CYP2C18: variants seen among roughly 807,000 people sequenced by gnomAD.
CYP2C18 encodes the protein cytochrome P450 family 2 subfamily C member 18.
CYP2C18 carries 38 observed loss-of-function variants against 41.3 expected under a neutral mutation model. The observed-to-expected ratio is 0.92, with a 90% confidence interval of 0.71 to 1.21. CYP2C18 has a LOEUF of 1.21. Ranked by LOEUF, CYP2C18 falls within the 50% of genes most tolerant of loss-of-function variation. The probability of loss-of-function intolerance (pLI) is 0.00; values close to 1 mark genes in which losing one functional copy is unlikely to be tolerated. For synonymous variants in CYP2C18, 236 were observed against 210.0 expected, an observed-to-expected ratio of 1.12 and a Z score of -1.07; for missense variants, 635 against 591.4, an observed-to-expected ratio of 1.07 and a Z score of -0.77.
In CYP2C18 at chr10:94,735,499, C is replaced by G; in HGVS notation, c.*55C>G. 1 of 1,559,536 alleles carries G rather than the reference C, an allele frequency of 6.4e-7. No individual in the cohort carries two copies. Among genetic ancestry groups the G allele is most frequent in the Non-Finnish European group, 8.8e-7 (1 of 1,132,058 alleles). ...GCTGTCACCTGCAATTCTCCCTTAT[C>G]AGGGCCATTGGCCTCTCCCTTCTCT... On this transcript the variant is annotated 3_prime_UTR_variant, in exon 9 of 9. Transcript: ENST00000285979.
intron 3 of CYP2C18, among the ~76,000 whole-genome samples, chr10:94,691,123 T>TGAGG (rs1195905801): frequency 6.6e-6 from 1 of 152,174 alleles, no homozygotes; most frequent in African/African-American, 2.4e-5. Context: ...AAGACAAGGA[T>TGAGG]GCCCTCTCTC....
At chr10:94,714,245 C>T (rs1214804400) in intron 5 of CYP2C18, among the ~76,000 whole-genome samples, 2 of 152,142 alleles carry the variant, frequency 1.3e-5, no homozygotes, top group African/African-American at 2.4e-5. Context: ...GACATGAAGT[C>T]CTTGCCCATG....
chr10:94,711,602 G>A (rs942038954), intron 5 of CYP2C18, among the ~76,000 whole-genome samples: 1 of 151,812 alleles, frequency 6.6e-6, no homozygotes, highest in African/African-American at 2.4e-5. Flanking sequence ...TAGAGATAGG[G>A]TCTCACTGTG....
chr10:94,720,668 G>T lies in CYP2C18; in HGVS notation c.961+131G>T, dbSNP rs568569172. 1.9e-5 allele frequency: 17 copies of T among 880,540 alleles called. No homozygotes were observed. In the African/African-American group the frequency reaches 2.2e-4, roughly 11 times the overall value. 54.5% of individuals were successfully genotyped at this position (880,540 alleles called of 1,614,324 possible). A position where few individuals can be genotyped will look rare whatever the true frequency, so the allele number is the denominator to read the frequency against. On this transcript the variant is annotated intron_variant, in intron 6 of 8. Transcript: ENST00000285979. The stretch of plus-strand genomic sequence containing the variant: ...ATTTCTGTGCCATTGGCTCTAAGTT[G>T]TCTAAATATGATGAAGGGATAAGAA...
At position 94,695,053 on chromosome 10, in the gene CYP2C18, G is replaced by T. The variant is rs779808698; in HGVS notation, c.618G>T (p.Arg206Ser). The T allele has an allele frequency of 1.9e-6, 3 of 1,612,544 alleles. No homozygotes were observed. The highest frequency in any genetic ancestry group is 3.3e-5 in the Admixed American group (2 of 59,934). The change falls in exon 4 of 9, where the codon AGG (arginine) becomes AGT (serine). Residue 206 changes from arginine to serine, a missense_variant. Physicochemically the swap from Arg to Ser is moderately radical, Grantham distance 110. Transcript: ENST00000285979. ...NLMEKFNENLRILSSPWIQVC... is the reference protein window; with the variant it reads ...NLMEKFNENLSILSSPWIQVC... ...TGGAAAAATTCAATGAAAACCTCAG[G>T]ATTCTGAGCTCTCCATGGATCCAGG... is the stretch of plus-strand genomic sequence containing the variant.
intron 5 of CYP2C18, among the ~76,000 whole-genome samples, chr10:94,719,178 A>G (rs1847605785): frequency 1.3e-5 from 2 of 152,234 alleles, no homozygotes; most frequent in South Asian, 4.1e-4. Flanking sequence ...TCTTGCTTAT[A>G]ATGTATTTAT....
In CYP2C18 at chr10:94,715,711, A is replaced by G. The variant is rs188954826; in HGVS notation, c.820-4685A>G. ...GCTGGCCTCATCAAATGCATTAGGG[A>G]GGATTCCCTCTTTTTCTATTGATTG... On this transcript the variant is annotated intron_variant, in intron 5 of 8. Coordinates refer to ENST00000285979, the MANE Select transcript of CYP2C18 (RefSeq NM_000772.3). Among the ~76,000 whole-genome samples, 518 of 152,258 alleles carry G rather than the reference A, an allele frequency of 3.4e-3. 1 individual carries two copies. Among genetic ancestry groups the G allele is most frequent in the Non-Finnish European group, 6.6e-3 (446 of 68,014 alleles).
chr10:94,723,606 A>G (rs143133342), intron 6 of CYP2C18, among the ~76,000 whole-genome samples: 1 of 152,164 alleles, frequency 6.6e-6, no homozygotes, highest in African/African-American at 2.4e-5. Context: ...TGGTGTGAAC[A>G]TGAGTATTAA....
At position 94,701,867 on chromosome 10, in the gene CYP2C18, G is replaced by T. The variant is rs565654265; in HGVS notation, c.643-4917G>T. Among the ~76,000 whole-genome samples the T allele has an allele frequency of 4.6e-5, 7 of 152,276 alleles. 1 individual carries two copies. The highest frequency in any genetic ancestry group is 3.9e-4 in the Admixed American group (6 of 15,294). ...AGTTAGGAGAAGTCTGAAGCCTATA[G>T]CTTAGAGAGTGTCTTCCTCATGAAA... On this transcript the variant is annotated intron_variant, in intron 4 of 8. Coordinates refer to ENST00000285979, the MANE Select transcript of CYP2C18 (RefSeq NM_000772.3).
At chr10:94,684,103 A>G in intron 1 of CYP2C18, 116 bp downstream of exon 1, 1 of 689,702 alleles carries the variant, frequency 1.4e-6, no homozygotes. Flanking sequence ...AATGGGGTAC[A>G]ATATTACATT....
intron 1 of CYP2C18, among the ~76,000 whole-genome samples, chr10:94,686,604 G>A (rs1335627155): frequency 6.6e-6 from 1 of 152,156 alleles, no homozygotes; most frequent in African/African-American, 2.4e-5. Context: ...CTGGAGGCCA[G>A]TTATTAAAGG....
rs781225378 is a variant in CYP2C18 at position 94,688,284 on chromosome 10, T to C, written c.481+10T>C. 2 of 1,465,584 alleles carry C rather than the reference T, an allele frequency of 1.4e-6. No individual in the cohort carries two copies. Among genetic ancestry groups the C allele is most frequent in the East Asian group, 2.5e-5 (1 of 40,650 alleles). The allele number at this position is 1,465,584 out of a possible 1,614,324, so 90.8% of individuals were successfully genotyped here. A position where few individuals can be genotyped will look rare whatever the true frequency, so the allele number is the denominator to read the frequency against. On this transcript the variant is annotated intron_variant, in intron 3 of 8. Transcript: ENST00000285979. ...TTGAGAAAAACCAATGGTGGGTGAC[T>C]TTTTTTTTTCCTGAAAAATGTTTTC...
At chr10:94,711,748 T>C (rs1847438982) in intron 5 of CYP2C18, among the ~76,000 whole-genome samples, 1 of 152,010 alleles carries the variant, frequency 6.6e-6, no homozygotes, top group African/African-American at 2.4e-5. Flanking sequence ...GTAAATGCCA[T>C]GTAAGTGGTT....
At chr10:94,715,032 T>G (rs141332278) in intron 5 of CYP2C18, among the ~76,000 whole-genome samples, 3,851 of 152,328 alleles carry the variant, frequency 0.025, 149 homozygotes, top group African/African-American at 0.075. Context: ...TTATTTTGTA[T>G]CCTGAGACTT....
At position 94,688,162 on chromosome 10, in the gene CYP2C18, C is replaced by T; in HGVS notation, c.369C>T (p.Ile123=). The T allele has an allele frequency of 1.2e-6, 2 of 1,613,660 alleles. No individual in the cohort carries two copies. The highest frequency in any genetic ancestry group is 1.7e-6 in the Non-Finnish European group (2 of 1,179,796). Residue 123 remains isoleucine, a synonymous_variant, in exon 3 of 9, where the codon ATC becomes ATT. Coordinates refer to ENST00000285979, the MANE Select transcript of CYP2C18 (RefSeq NM_000772.3). ...LFSNGKRWKE[I]RRFCLMTLRN... ...GCAATGGAAAGAGATGGAAGGAGATCCGGCGTTTCTGCCTCATGACTCTGC... is the reference window on the plus strand; with the variant it reads ...GCAATGGAAAGAGATGGAAGGAGATTCGGCGTTTCTGCCTCATGACTCTGC...
intron 4 of CYP2C18, among the ~76,000 whole-genome samples, chr10:94,701,474 C>T (rs531604707): frequency 5.8e-4 from 87 of 150,026 alleles, no homozygotes; most frequent in East Asian, 3.5e-3. Context: ...TGTTGTGGGG[C>T]GGGGAAAGGG....
intron 7 of CYP2C18, among the ~76,000 whole-genome samples, chr10:94,724,947 T>C (rs560840508): frequency 2.6e-4 from 39 of 152,022 alleles, no homozygotes; most frequent in African/African-American, 8.7e-4. Flanking sequence ...ATTATGCTCT[T>C]TATTTATTTG....
chr10:94,718,510 A>G (rs1467562122), intron 5 of CYP2C18, among the ~76,000 whole-genome samples: 1 of 152,082 alleles, frequency 6.6e-6, no homozygotes, highest in African/African-American at 2.4e-5. Flanking sequence ...GGGCATCCAT[A>G]TCTTTTTCCT....
intron 4 of CYP2C18, among the ~76,000 whole-genome samples, chr10:94,700,192 A>G (rs1466054896): frequency 6.6e-6 from 1 of 152,246 alleles, no homozygotes; most frequent in Non-Finnish European, 1.5e-5. Context: ...CCGAAAGAAC[A>G]AAGCTGGAGG....
Sources: allele counts gnomAD v4.1 joint callset (sites outside exome capture counted in the v4.1 genomes callset), GRCh38; gene constraint gnomAD v4.1.1; transcripts MANE v1.5; gene names NCBI Gene and HGNC (gene_info 2026-07-23, HGNC 2026-07-21).